The following TCF20 variants were observed in gnomAD, a reference collection of about 807,000 sequenced individuals.
The protein encoded by TCF20 is transcription factor 20.
TCF20 carries 3 observed loss-of-function variants against 148.6 expected under a neutral mutation model. The ratio of observed to expected loss-of-function variants is 0.02; its 90% CI spans 0.01 to 0.05. The LOEUF (loss-of-function observed/expected upper bound fraction) is 0.05. Ranked by LOEUF, TCF20 falls within the 10% of genes least tolerant of loss-of-function variation. The pLI, the probability that TCF20 is intolerant of heterozygous loss-of-function variation, is 1.00. For synonymous variants in TCF20, 1,049 were observed against 909.5 expected, an observed-to-expected ratio of 1.15 and a Z score of -2.76; for missense variants, 2,350 against 2,429.3, an observed-to-expected ratio of 0.97 and a Z score of 0.69.
chr22:42,291,017 C>T (rs1433438530), intron 1 of TCF20, among the ~76,000 whole-genome samples: 1 of 152,176 alleles, frequency 6.6e-6, no homozygotes. Flanking sequence ...AGGGGTCCAG[C>T]CAGATCCGTC....
intron 1 of TCF20, among the ~76,000 whole-genome samples, chr22:42,237,912 C>A (rs1248148783): frequency 6.6e-6 from 1 of 152,194 alleles, no homozygotes; most frequent in Non-Finnish European, 1.5e-5. Flanking sequence ...ACTGACAGAG[C>A]ACAGGCAGAG....
At chr22:42,238,798 C>G (rs1457264376) in intron 1 of TCF20, among the ~76,000 whole-genome samples, 1 of 152,170 alleles carries the variant, frequency 6.6e-6, no homozygotes. Flanking sequence ...TATGGGAGTG[C>G]TTTGTGGCGC....
At chr22:42,224,329 G>C (rs991741792) in intron 1 of TCF20, among the ~76,000 whole-genome samples, 9 of 151,650 alleles carry the variant, frequency 5.9e-5, no homozygotes, top group Admixed American at 2.0e-4. Flanking sequence ...AAAATTAGTC[G>C]GGCGTGGTGG....
chr22:42,213,631 A>G lies in TCF20; in HGVS notation c.1675T>C (p.Ser559Pro), dbSNP rs761226056. 7 of 1,614,054 alleles carry G rather than the reference A, an allele frequency of 4.3e-6. No homozygotes were observed. Among genetic ancestry groups the G allele is most frequent in the Non-Finnish European group, 5.9e-6 (7 of 1,180,026 alleles). Residue 559 changes from serine (S) to proline (P), a missense_variant, in exon 2 of 6, where the codon TCA (serine) becomes CCA (proline). Physicochemically the swap from Ser to Pro is moderately conservative, Grantham distance 74 (BLOSUM62 -1). Around this residue, in one of 7 missense-constraint regions of TCF20, gnomAD observed 1,641 missense variants for 1,662.6 expected, o/e 0.99. Transcript: ENST00000677622. The stretch of plus-strand genomic sequence containing the variant: ...TCATTCTGAGCACCTTGTGCCGGTG[A>G]GGAGCCAGCTTTCTCAGAGGCTCCA... Reference protein sequence around the residue: ...KGGASEKAGSSPAQGAQNEPP... With the variant: ...KGGASEKAGSPPAQGAQNEPP...
At position 42,233,484 on chromosome 22, in the gene TCF20, T is replaced by A. The variant is rs531080535; in HGVS notation, c.-36-18143A>T. 2.2e-4 allele frequency among the ~76,000 whole-genome samples: 34 copies of A among 152,326 alleles called. No homozygotes were observed. In the South Asian group the frequency reaches 6.8e-3, roughly 31 times the overall value. ...GTTCAGCCTGGTCCTTCTGCGTGAA[T>A]AATACCAGCTTTGCTGACATACCAC... On this transcript the variant is annotated intron_variant, in intron 1 of 5. Coordinates refer to ENST00000677622, the MANE Select transcript of TCF20 (RefSeq NM_001378418.1).
intron 1 of TCF20, among the ~76,000 whole-genome samples, chr22:42,255,314 G>A (rs916342303): frequency 3.3e-5 from 5 of 151,946 alleles, no homozygotes; most frequent in African/African-American, 7.3e-5. Flanking sequence ...GTAAAACCCC[G>A]TCTCTACTAA....
chr22:42,211,584 C>G lies in TCF20; in HGVS notation c.3722G>C (p.Gly1241Ala), dbSNP rs1920966636. ...GTTTTGAGAAGAATGATCCTCCTGG[C>G]CTGGAAGTCTCAGCATAACACTACC... is the stretch of plus-strand genomic sequence containing the variant. ...KPGSVMLRLPGQEDHSSQNPL... is the reference protein window; with the variant it reads ...KPGSVMLRLPAQEDHSSQNPL... The change falls in exon 2 of 6, where the codon GGC becomes GCC. Residue 1241 changes from glycine (G) to alanine (A), a missense_variant. This residue lies in a region of TCF20 where 1,641 missense variants were observed against 1,662.6 expected (regional missense o/e 0.99). Transcript: ENST00000677622. 6.2e-7 allele frequency: 1 copy of G among 1,614,194 alleles called. No individual in the cohort carries two copies. Among genetic ancestry groups the G allele is most frequent in the Non-Finnish European group, 8.5e-7 (1 of 1,180,038 alleles).
At chr22:42,185,258 T>A (rs1024962727) in intron 2 of TCF20, among the ~76,000 whole-genome samples, 2 of 152,230 alleles carry the variant, frequency 1.3e-5, no homozygotes, top group African/African-American at 4.8e-5. Flanking sequence ...TTATCCAGCA[T>A]GGCACACACT....
chr22:42,255,854 A>G (rs1351203177), intron 1 of TCF20, among the ~76,000 whole-genome samples: 2 of 152,110 alleles, frequency 1.3e-5, no homozygotes, highest in African/African-American at 4.8e-5. Context: ...ATGAGACTCA[A>G]GTGCCCCAGC....
intron 1 of TCF20, among the ~76,000 whole-genome samples, chr22:42,235,578 T>G (rs1923815796): frequency 6.6e-6 from 1 of 152,254 alleles, no homozygotes; most frequent in South Asian, 2.1e-4. Context: ...ACAATTTTAT[T>G]TGTACATACA....
At chr22:42,193,123 T>C (rs1601557186) in intron 2 of TCF20, among the ~76,000 whole-genome samples, 2 of 152,008 alleles carry the variant, frequency 1.3e-5, no homozygotes, top group South Asian at 2.1e-4. Flanking sequence ...ATTAGGAAGA[T>C]ACTCAGCAAG....
chr22:42,213,225 C>T lies in TCF20; in HGVS notation c.2081G>A (p.Ser694Asn). Reference sequence around the variant, plus strand: ...AGGAGATTTGCTAGGCTCAGTTCTGCTCGTAAAACCAGGGCCCGCTGCAGA... The same window carrying T: ...AGGAGATTTGCTAGGCTCAGTTCTGTTCGTAAAACCAGGGCCCGCTGCAGA... ...GHSAAGPGFT[S>N]RTEPSKSPGS... Residue 694 changes from serine to asparagine, a missense_variant, in exon 2 of 6, where the codon AGC (serine) becomes AAC (asparagine). Physicochemically the swap from Ser to Asn is conservative, Grantham distance 46 (BLOSUM62 1). Transcript: ENST00000677622. 1 of 1,614,186 alleles carries T rather than the reference C, an allele frequency of 6.2e-7. No homozygotes were observed. Among genetic ancestry groups the T allele is most frequent in the African/African-American group, 1.3e-5 (1 of 75,042 alleles).
chr22:42,242,069 A>G (rs1350434354), intron 1 of TCF20, among the ~76,000 whole-genome samples: 3 of 151,550 alleles, frequency 2.0e-5, no homozygotes, highest in Non-Finnish European at 2.9e-5. Context: ...AGGCGTGGTA[A>G]TAAGTGCCTG....
chr22:42,211,375 T>C lies in TCF20; in HGVS notation c.3931A>G (p.Ile1311Val), dbSNP rs367931028. 5 of 1,614,092 alleles carry C rather than the reference T, an allele frequency of 3.1e-6. No individual in the cohort carries two copies. Among genetic ancestry groups the C allele is most frequent in the African/African-American group, 2.7e-5 (2 of 74,926 alleles). The change falls in exon 2 of 6, where the codon ATC becomes GTC. Residue 1311 changes from isoleucine (I) to valine (V), a missense_variant. Ile to Val is a conservative substitution (Grantham distance 29, BLOSUM62 3). Around this residue, in one of 7 missense-constraint regions of TCF20, gnomAD observed 1,641 missense variants for 1,662.6 expected, o/e 0.99. Coordinates refer to ENST00000677622, the MANE Select transcript of TCF20 (RefSeq NM_001378418.1). Reference sequence around the variant, plus strand: ...TCCTTGGAGGAATCTCTCTTAGGGATAGACTTGATATCCTGACTGTGAGAA... The same window carrying C: ...TCCTTGGAGGAATCTCTCTTAGGGACAGACTTGATATCCTGACTGTGAGAA... ...HLSHSQDIKSIPKRDSSKDLP... is the reference protein window; with the variant it reads ...HLSHSQDIKSVPKRDSSKDLP...
At chr22:42,204,032 CTGTTTTGA>C (rs1328180538) in intron 2 of TCF20, among the ~76,000 whole-genome samples, 1 of 152,170 alleles carries the variant, frequency 6.6e-6, no homozygotes, top group Non-Finnish European at 1.5e-5. Context: ...TCTGACTTGG[CTGTTTTGA>C]TGTTTTAATA....
intron 1 of TCF20, among the ~76,000 whole-genome samples, chr22:42,264,572 A>C (rs1926187677): frequency 6.6e-6 from 1 of 152,190 alleles, no homozygotes; most frequent in Non-Finnish European, 1.5e-5. Context: ...AGGGCTAAAC[A>C]AATTATTTAC....
In TCF20 at chr22:42,179,725, G is replaced by A. The variant is rs564483485; in HGVS notation, c.5656-23C>T. 11 of 1,564,236 alleles carry A rather than the reference G, an allele frequency of 7.0e-6. No individual in the cohort carries two copies. The African/African-American group carries it at 1.5e-4, about 21-fold the overall frequency. On this transcript the variant is annotated intron_variant, in intron 2 of 5. Transcript: ENST00000677622. ...TTTCTGAAAGGAAGGGAAAAGTCAG[G>A]CATGTCAGTATCCCAGATTTGGCCC...
At chr22:42,284,165 G>C (rs775178891), upstream of TCF20, among the ~76,000 whole-genome samples, 7 of 152,092 alleles carry the variant, frequency 4.6e-5, no homozygotes, top group Non-Finnish European at 8.8e-5. Context: ...ATCCCCCCTC[G>C]CCTTCAACTG....
intron 1 of TCF20, among the ~76,000 whole-genome samples, chr22:42,300,070 C>G (rs960926003): frequency 6.6e-6 from 1 of 152,112 alleles, no homozygotes; most frequent in Non-Finnish European, 1.5e-5. Flanking sequence ...TTCGTTCCTT[C>G]GCTGGTAGAA....
Sources: allele counts gnomAD v4.1 joint callset (sites outside exome capture counted in the v4.1 genomes callset), GRCh38; gene constraint gnomAD v4.1.1; regional missense constraint gnomAD v4.1.1; transcripts MANE v1.5; gene names NCBI Gene and HGNC (gene_info 2026-07-23, HGNC 2026-07-21).